CDH12: variants seen among roughly 807,000 people sequenced by gnomAD.
CDH12 encodes cadherin-12.
CDH12 carries 41 observed loss-of-function variants against 74.1 expected under a neutral mutation model. The ratio of observed to expected loss-of-function variants is 0.55; its 90% CI spans 0.43 to 0.72. The LOEUF (loss-of-function observed/expected upper bound fraction) is 0.72, where lower values mean the gene tolerates loss of function less well. Ranked by LOEUF, CDH12 falls within the 30% of genes least tolerant of loss-of-function variation. The probability of loss-of-function intolerance (pLI) is 0.00; values close to 1 mark genes in which losing one functional copy is unlikely to be tolerated. For synonymous variants in CDH12, 399 were observed against 355.0 expected (o/e 1.12, Z -1.39); for missense variants, 945 against 977.2 (o/e 0.97, Z 0.44).
chr5:22,635,906 C>A (rs1389734452), intron 1 of CDH12, among the ~76,000 whole-genome samples: 2 of 151,310 alleles, frequency 1.3e-5, no homozygotes, highest in African/African-American at 4.9e-5. Context: ...GAATGAGACT[C>A]CATCTCAAAA....
intron 1 of CDH12, among the ~76,000 whole-genome samples, chr5:22,802,187 T>A (rs1324077506): frequency 6.7e-6 from 1 of 149,006 alleles, no homozygotes; most frequent in Non-Finnish European, 1.5e-5. Context: ...AGTGGCACGA[T>A]CCAGGCTCAC....
chr5:22,647,567 G>T (rs944470781), intron 1 of CDH12, among the ~76,000 whole-genome samples: 2 of 151,706 alleles, frequency 1.3e-5, no homozygotes, highest in Non-Finnish European at 2.9e-5. Flanking sequence ...TGGTCACAGA[G>T]AGAGAAAGCA....
intron 1 of CDH12, among the ~76,000 whole-genome samples, chr5:22,581,144 G>A (rs1740078524): frequency 6.6e-6 from 1 of 152,188 alleles, no homozygotes; most frequent in South Asian, 2.1e-4. Context: ...CCAAGACAAT[G>A]GGGAAAATGT....
chr5:21,978,920 AT>A (rs1373789677), intron 5 of CDH12, among the ~76,000 whole-genome samples: 5 of 152,104 alleles, frequency 3.3e-5, no homozygotes, highest in Non-Finnish European at 7.3e-5. Flanking sequence ...TTTCTCAAAT[AT>A]GTCAGCAATG....
rs1561267810 is a variant in CDH12 at position 21,880,511 on chromosome 5, C to CTTTCT, written c.527-25722_527-25721insAGAAA. Among the ~76,000 whole-genome samples, 5 of 75,934 alleles carry CTTTCT rather than the reference C, an allele frequency of 6.6e-5. 1 individual carries two copies. Among genetic ancestry groups the CTTTCT allele is most frequent in the Non-Finnish European group, 1.5e-4 (5 of 33,818 alleles). 49.8% of individuals were successfully genotyped at this position (75,934 alleles called of 152,430 possible). ...CCTTCCTTCCTTCCTTCCTCCCTCC[C>CTTTCT]TCCCTCTTTTCTTTCTTCCTTCTTT... On this transcript the variant is annotated intron_variant, in intron 6 of 14. Transcript: ENST00000382254.
intron 1 of CDH12, among the ~76,000 whole-genome samples, chr5:22,524,972 C>T (rs1737205990): frequency 1.3e-5 from 2 of 148,272 alleles, no homozygotes. Context: ...CCCTCCACCC[C>T]ACAACCGTCC....
chr5:22,471,832 T>G (rs1186926009), intron 2 of CDH12, among the ~76,000 whole-genome samples: 1 of 152,190 alleles, frequency 6.6e-6, no homozygotes, highest in Non-Finnish European at 1.5e-5. Context: ...TTGTAGATTA[T>G]TTTACTCCAG....
chr5:22,311,059 G>A (rs935752764), intron 3 of CDH12, among the ~76,000 whole-genome samples: 1 of 151,892 alleles, frequency 6.6e-6, no homozygotes, highest in African/African-American at 2.4e-5. Flanking sequence ...TTTACTTTAT[G>A]TTATTTTGTC....
intron 1 of CDH12, among the ~76,000 whole-genome samples, chr5:22,833,234 A>G (rs1201408531): frequency 6.6e-6 from 1 of 152,158 alleles, no homozygotes; most frequent in African/African-American, 2.4e-5. Context: ...TGTTCTGACA[A>G]TATCCCAATG....
chr5:21,830,989 G>A (rs1748987092), intron 8 of CDH12, among the ~76,000 whole-genome samples: 2 of 151,814 alleles, frequency 1.3e-5, no homozygotes, highest in Non-Finnish European at 2.9e-5. Context: ...AGTGAGTCGA[G>A]ATGGCACCAC....
At chr5:22,035,489 T>C (rs1274415465) in intron 5 of CDH12, among the ~76,000 whole-genome samples, 1 of 151,918 alleles carries the variant, frequency 6.6e-6, no homozygotes, top group Non-Finnish European at 1.5e-5. Context: ...AAACTGTAAA[T>C]AACTACATAT....
intron 6 of CDH12, among the ~76,000 whole-genome samples, chr5:21,908,867 A>G (rs1408748558): frequency 6.6e-6 from 1 of 152,128 alleles, no homozygotes; most frequent in Non-Finnish European, 1.5e-5. Flanking sequence ...ACTTAATGTG[A>G]ATGCTTGTGA....
At chr5:22,475,514 C>A (rs552179035) in intron 2 of CDH12, among the ~76,000 whole-genome samples, 6 of 151,906 alleles carry the variant, frequency 3.9e-5, no homozygotes, top group Admixed American at 6.6e-5. Context: ...AGAAGGGATG[C>A]ACCACGATAC....
intron 3 of CDH12, among the ~76,000 whole-genome samples, chr5:22,219,783 T>A (rs921445998): frequency 4.6e-5 from 7 of 151,620 alleles, no homozygotes; most frequent in African/African-American, 1.7e-4. Flanking sequence ...TTGCTTCACA[T>A]TTGCTTGAGT....
chr5:22,709,592 A>G (rs1483330408), intron 1 of CDH12, among the ~76,000 whole-genome samples: 3 of 152,230 alleles, frequency 2.0e-5, no homozygotes, highest in South Asian at 2.1e-4. Flanking sequence ...ATTTATAAAA[A>G]TTAATCTTAA....
intron 1 of CDH12, among the ~76,000 whole-genome samples, chr5:22,559,756 T>C (rs1428055868): frequency 6.6e-6 from 1 of 152,170 alleles, no homozygotes; most frequent in Non-Finnish European, 1.5e-5. Context: ...CTAACGGTTG[T>C]CACCAGTATC....
chr5:22,202,949 TA>T (rs1462206615), intron 4 of CDH12, among the ~76,000 whole-genome samples: 3 of 152,210 alleles, frequency 2.0e-5, no homozygotes, highest in African/African-American at 7.2e-5. Flanking sequence ...TGTGTCTTTT[TA>T]AATTTTTTAA....
At chr5:22,024,301 C>A (rs1027232473) in intron 5 of CDH12, among the ~76,000 whole-genome samples, 6 of 152,026 alleles carry the variant, frequency 3.9e-5, no homozygotes, top group Non-Finnish European at 7.4e-5. Context: ...ACTGCTTATG[C>A]TTTTTTGGAT....
intron 2 of CDH12, among the ~76,000 whole-genome samples, chr5:22,465,466 G>C (rs1471134512): frequency 6.6e-6 from 1 of 152,056 alleles, no homozygotes; most frequent in Admixed American, 6.6e-5. Context: ...GGTAACATAG[G>C]GAGAACCCAT....
Sources: gnomAD v4.1 joint callset for allele counts (sites outside exome capture counted in the v4.1 genomes callset) on GRCh38, gnomAD v4.1.1 for gene constraint, MANE v1.5 for transcripts, NCBI Gene and HGNC (gene_info 2026-07-23, HGNC 2026-07-21) for gene names.